SNTG1: variants seen among roughly 807,000 people sequenced by gnomAD.
SNTG1 encodes the protein syntrophin gamma 1, also known as gamma-1-syntrophin.
SNTG1 carries 39 observed loss-of-function variants against 74.7 expected under a neutral mutation model. The observed-to-expected ratio is 0.52, with a 90% CI of 0.40 to 0.68. SNTG1 has a LOEUF of 0.68. Ranked by LOEUF, SNTG1 falls within the 30% of genes least tolerant of loss-of-function variation. The probability of loss-of-function intolerance (pLI) is 0.00; values close to 1 mark genes in which losing one functional copy is unlikely to be tolerated. For missense variants in SNTG1, 685 were observed against 609.5 expected (o/e 1.12, Z -1.30); for synonymous variants, 254 against 217.1 (o/e 1.17, Z -1.49).
chr8:50,089,238 C>A (rs1201842329), intron 1 of SNTG1, among the ~76,000 whole-genome samples: 1 of 152,088 alleles, frequency 6.6e-6, no homozygotes, highest in East Asian at 1.9e-4. Context: ...TTCCTTACAC[C>A]TTATACAAGA....
chr8:50,056,599 T>G (rs1820043200), intron 1 of SNTG1, among the ~76,000 whole-genome samples: 1 of 152,158 alleles, frequency 6.6e-6, no homozygotes. Flanking sequence ...CAAAGCAGGT[T>G]TCTTAATCAC....
chr8:50,792,903 G>C lies in SNTG1; in HGVS notation c.*74G>C, dbSNP rs975940943. The C allele has an allele frequency of 7.0e-7, 1 of 1,437,462 alleles. No homozygotes were observed. 89.0% of individuals were successfully genotyped at this position (1,437,462 alleles called of 1,614,324 possible). A position where few individuals can be genotyped will look rare whatever the true frequency, so the allele number is the denominator to read the frequency against. ...CATTTACTCATCATTTTAGACCCTA[G>C]AGAAACCATAACATCACCAAGTCGA... On this transcript the variant is annotated 3_prime_UTR_variant, in exon 19 of 19. Coordinates refer to ENST00000642720, the MANE Select transcript of SNTG1 (RefSeq NM_018967.5).
intron 2 of SNTG1, among the ~76,000 whole-genome samples, chr8:50,284,083 C>G (rs1199368815): frequency 2.0e-5 from 3 of 152,048 alleles, no homozygotes; most frequent in African/African-American, 7.2e-5. Context: ...TTCATCTTGT[C>G]TGTAACGGTG....
intron 17 of SNTG1, among the ~76,000 whole-genome samples, chr8:50,730,382 G>A (rs911857199): frequency 6.6e-6 from 1 of 152,036 alleles, no homozygotes; most frequent in Non-Finnish European, 1.5e-5. Flanking sequence ...CTCTTCAAAG[G>A]ATTTAAGCAT....
intron 12 of SNTG1, among the ~76,000 whole-genome samples, chr8:50,586,380 G>A (rs1374493803): frequency 6.6e-6 from 1 of 151,984 alleles, no homozygotes; most frequent in South Asian, 2.1e-4. Flanking sequence ...ATTACAACTG[G>A]AATTCAACAC....
At chr8:50,302,323 C>T (rs890261368) in intron 2 of SNTG1, among the ~76,000 whole-genome samples, 1 of 152,150 alleles carries the variant, frequency 6.6e-6, no homozygotes, top group East Asian at 1.9e-4. Context: ...CAACCAACAG[C>T]GTTGTTTCAT....
At chr8:50,733,849 CTA>C (rs1375836349) in intron 17 of SNTG1, among the ~76,000 whole-genome samples, 2 of 151,422 alleles carry the variant, frequency 1.3e-5, no homozygotes, top group African/African-American at 2.4e-5. Flanking sequence ...AGCATTATGA[CTA>C]TTATTTTTCT....
At chr8:50,145,733 C>G (rs958105553) in intron 1 of SNTG1, among the ~76,000 whole-genome samples, 1 of 151,974 alleles carries the variant, frequency 6.6e-6, no homozygotes, top group African/African-American at 2.4e-5. Flanking sequence ...TAACAAATTT[C>G]CTTATTGTCA....
At chr8:50,687,141 CAA>C (rs1167132296) in intron 15 of SNTG1, among the ~76,000 whole-genome samples, 1 of 64,244 alleles carries the variant, frequency 1.6e-5, no homozygotes, top group Non-Finnish European at 2.7e-5. Context: ...GACTCCGTCT[CAA>C]AAAAAAAAAA....
chr8:50,529,406 T>A (rs955120594), intron 9 of SNTG1, among the ~76,000 whole-genome samples: 1 of 152,026 alleles, frequency 6.6e-6, no homozygotes, highest in Non-Finnish European at 1.5e-5. Flanking sequence ...GTGTTCCCTA[T>A]GACCTATGAT....
rs1431221927 is a variant in SNTG1, at chr8:50,122,163, G to A, written c.-102-50398G>A. On this transcript the variant is annotated intron_variant, in intron 1 of 18. Transcript: ENST00000642720. ...TGTAAGTTGTGCCCATGGTTGTGTG[G>A]GATAGTGTTTCTCAGCCTCTGTAGG... Among the ~76,000 whole-genome samples the A allele has an allele frequency of 1.4e-5, 2 of 141,360 alleles. 1 individual carries two copies. Among genetic ancestry groups the A allele is most frequent in the East Asian group, 4.1e-4 (2 of 4,926 alleles). The allele number at this position is 141,360 out of a possible 152,430, so 92.7% of individuals were successfully genotyped here.
In SNTG1 at chr8:50,536,764, T is replaced by C. The variant is rs758041473; in HGVS notation, c.636T>C (p.Leu212=). Residue 212 remains leucine (L), a synonymous_variant, in exon 11 of 19, where the codon CTT becomes CTC. Coordinates refer to ENST00000642720, the MANE Select transcript of SNTG1 (RefSeq NM_018967.5). ...GCGACCTCAGACTGATCCCTCTACT[T>C]CATTCGCGCTTCTCTCAGTATGTGC... ...RWCDLRLIPL[L]HSRFSQYVPG... The C allele has an allele frequency of 1.2e-6, 2 of 1,614,022 alleles. No individual in the cohort carries two copies. Among genetic ancestry groups the C allele is most frequent in the East Asian group, 4.5e-5 (2 of 44,864 alleles).
Position 50,752,002 on chromosome 8 carries a change from C to A in SNTG1, c.1286C>A (p.Ala429Asp). The change falls in exon 18 of 19, where the codon GCT becomes GAT. Residue 429 changes from alanine to aspartate, a missense_variant and splice_region_variant. Transcript: ENST00000642720. ...CATTGTTTTTTTTCCCCCCTTTAGGCTGTCCTTTGGAGGTATAAATTCTCT... is the reference window on the plus strand; with the variant it reads ...CATTGTTTTTTTTCCCCCCTTTAGGATGTCCTTTGGAGGTATAAATTCTCT... ...GFICFDAATK[A>D]VLWRYKFSQL... is the part of the protein sequence containing the mutation. The A allele has an allele frequency of 6.5e-7, 1 of 1,541,882 alleles. No individual in the cohort carries two copies. Among genetic ancestry groups the A allele is most frequent in the Non-Finnish European group, 8.7e-7 (1 of 1,150,834 alleles).
chr8:50,313,934 A>G (rs1157802812), intron 2 of SNTG1, among the ~76,000 whole-genome samples: 1 of 150,016 alleles, frequency 6.7e-6, no homozygotes, highest in African/African-American at 2.5e-5. Flanking sequence ...CTACATAACT[A>G]GCTTGGCATT....
intron 17 of SNTG1, among the ~76,000 whole-genome samples, chr8:50,737,442 A>G (rs377500063): frequency 6.6e-6 from 1 of 152,158 alleles, no homozygotes. Context: ...AAAAAAGCAC[A>G]GGACTAGATG....
intron 17 of SNTG1, among the ~76,000 whole-genome samples, chr8:50,726,631 C>G (rs2095500829): frequency 6.6e-6 from 1 of 152,142 alleles, no homozygotes; most frequent in Non-Finnish European, 1.5e-5. Context: ...AGGTGGATCA[C>G]AAGGTCAGGA....
chr8:50,376,161 A>G (rs2092374997), intron 2 of SNTG1, among the ~76,000 whole-genome samples: 1 of 152,216 alleles, frequency 6.6e-6, no homozygotes, highest in Admixed American at 6.5e-5. Flanking sequence ...CGTCTGCTGC[A>G]CCATAATTGT....
intron 2 of SNTG1, among the ~76,000 whole-genome samples, chr8:50,261,880 A>T (rs971471309): frequency 8.5e-5 from 13 of 152,264 alleles, no homozygotes; most frequent in African/African-American, 2.6e-4. Flanking sequence ...AACAAGGAAC[A>T]GAGGAGAATA....
chr8:50,689,148 G>T (rs919233138), intron 15 of SNTG1, among the ~76,000 whole-genome samples: 2 of 151,146 alleles, frequency 1.3e-5, no homozygotes, highest in South Asian at 4.2e-4. Context: ...AGGAGATTTT[G>T]GGCTGAGACA....
Sources: allele counts gnomAD v4.1 joint callset (sites outside exome capture counted in the v4.1 genomes callset), GRCh38; gene constraint gnomAD v4.1.1; transcripts MANE v1.5; gene names NCBI Gene and HGNC (gene_info 2026-07-23, HGNC 2026-07-21).